The following CLEC16A variants were observed in gnomAD, a reference collection of about 807,000 sequenced individuals.
CLEC16A encodes the protein protein CLEC16A.
CLEC16A carries 51 observed loss-of-function variants against 109.5 expected under a neutral mutation model. That is an observed-to-expected ratio of 0.47 (90% CI 0.37 to 0.59). The LOEUF (loss-of-function observed/expected upper bound fraction) is 0.59. Among genes scored for constraint, CLEC16A ranks in the 20% least tolerant of loss-of-function variants. The pLI is 0.00. For synonymous variants in CLEC16A, 673 were observed against 564.2 expected, an observed-to-expected ratio of 1.19 and a Z score of -2.73; for missense variants, 1,339 against 1,394.0, an observed-to-expected ratio of 0.96 and a Z score of 0.63.
chr16:11,162,695 T>G (rs1267853479), intron 22 of CLEC16A, among the ~76,000 whole-genome samples: 2 of 152,222 alleles, frequency 1.3e-5, no homozygotes, highest in Non-Finnish European at 2.9e-5. Context: ...CTTAGTCTTC[T>G]CTTACCAGCG....
intron 1 of CLEC16A, among the ~76,000 whole-genome samples, chr16:10,950,735 C>T (rs1461338146): frequency 6.6e-6 from 1 of 152,218 alleles, no homozygotes; most frequent in African/African-American, 2.4e-5. Context: ...TGCCCGAGTG[C>T]TGAACAGGCC....
At chr16:11,062,252 G>A (rs1167987244) in intron 19 of CLEC16A, among the ~76,000 whole-genome samples, 1 of 152,156 alleles carries the variant, frequency 6.6e-6, no homozygotes, top group Non-Finnish European at 1.5e-5. Flanking sequence ...GGCAGAAACA[G>A]CACAGGGCCA....
intron 13 of CLEC16A, among the ~76,000 whole-genome samples, chr16:11,037,962 A>C (rs994786949): frequency 1.3e-5 from 2 of 152,286 alleles, no homozygotes; most frequent in Non-Finnish European, 1.5e-5. Context: ...CACATTTAGC[A>C]TTAACATGGG....
chr16:10,998,507 T>A (rs925137962), intron 10 of CLEC16A, among the ~76,000 whole-genome samples: 29 of 152,316 alleles, frequency 1.9e-4, no homozygotes, highest in Admixed American at 5.2e-4. Flanking sequence ...TTGTGTACTT[T>A]CTTTATGAGA....
intron 12 of CLEC16A, among the ~76,000 whole-genome samples, chr16:11,023,101 T>G (rs375445182): frequency 9.4e-5 from 14 of 149,382 alleles, no homozygotes; most frequent in Admixed American, 3.3e-4. Context: ...TTTACCAGTT[T>G]TTTTTTTTTT....
chr16:11,049,333 G>A (rs2047808516), intron 17 of CLEC16A, among the ~76,000 whole-genome samples: 2 of 151,990 alleles, frequency 1.3e-5, no homozygotes, highest in Admixed American at 6.5e-5. Context: ...CGTAAGGTGG[G>A]GGATCCCTAC....
At chr16:10,959,846 C>CA (rs2042174634) in intron 2 of CLEC16A, among the ~76,000 whole-genome samples, 1 of 151,848 alleles carries the variant, frequency 6.6e-6, no homozygotes, top group African/African-American at 2.4e-5. Context: ...CTCCTGAGCT[C>CA]AAACGATTCT....
chr16:10,998,402 A>G (rs2044457724), intron 10 of CLEC16A, among the ~76,000 whole-genome samples: 1 of 152,216 alleles, frequency 6.6e-6, no homozygotes, highest in Non-Finnish European at 1.5e-5. Flanking sequence ...GCCCAGCCTC[A>G]GGCACCTGGG....
chr16:11,070,357 A>G (rs1221627258), intron 19 of CLEC16A, among the ~76,000 whole-genome samples: 1 of 149,840 alleles, frequency 6.7e-6, no homozygotes, highest in Non-Finnish European at 1.5e-5. Context: ...GGCGTGAGCC[A>G]CTGCACCCGG....
At chr16:11,148,421 G>A (rs1395634830) in intron 22 of CLEC16A, among the ~76,000 whole-genome samples, 1 of 152,144 alleles carries the variant, frequency 6.6e-6, no homozygotes, top group East Asian at 1.9e-4. Context: ...TGACAATACA[G>A]GTACTGTTTA....
At chr16:11,025,651 T>G (rs2046365722) in intron 13 of CLEC16A, among the ~76,000 whole-genome samples, 1 of 152,152 alleles carries the variant, frequency 6.6e-6, no homozygotes, top group African/African-American at 2.4e-5. Context: ...TCAAGTGATA[T>G]TTTAGTAGGT....
At position 11,178,213 on chromosome 16, in the gene CLEC16A, CGCCA is replaced by C; in HGVS notation, c.2807-113_2807-110del. 2.4e-6 allele frequency: 2 copies of C among 824,544 alleles called. No homozygotes were observed. Among genetic ancestry groups the C allele is most frequent in the Non-Finnish European group, 3.9e-6 (2 of 512,846 alleles). 51.1% of individuals were successfully genotyped at this position (824,544 alleles called of 1,614,324 possible). ...TGAGTGGAGCCACGCTGAGCCCTCA[CGCCA>C]GCCAGCCACCTCCCACCTAGCTCAC... On this transcript the variant is annotated intron_variant, in intron 23 of 23. Transcript: ENST00000409790. The surrounding 1 kb of genome is among the most constrained non-coding windows in gnomAD (Gnocchi z 6.5).
chr16:11,119,124 C>T (rs780404059), intron 19 of CLEC16A, among the ~76,000 whole-genome samples: 77 of 152,296 alleles, frequency 5.1e-4, no homozygotes, highest in African/African-American at 1.7e-3. Context: ...CTCAGCCTCC[C>T]GAGTAGCTGG....
rs201374731 is a variant in CLEC16A, at chr16:10,977,372, C to T, written c.876C>T (p.Tyr292=). 46 of 1,613,668 alleles carry T rather than the reference C, an allele frequency of 2.9e-5. No homozygotes were observed. The highest frequency in any genetic ancestry group is 2.3e-4 in the South Asian group (21 of 91,040). Residue 292 remains tyrosine (Y), a synonymous_variant, in exon 8 of 24, where the codon TAC becomes TAT. Transcript: ENST00000409790. ...HLLNRLFLPL[Y]VYSLENQDKG... ...TCAACAGGCTCTTCCTGCCCCTCTA[C>T]GTGTACTCACTGGAGAACCAGGACA... is the stretch of plus-strand genomic sequence containing the variant.
At chr16:11,048,222 C>T (rs2047737949) in intron 17 of CLEC16A, 1 of 152,342 alleles carries the variant, frequency 6.6e-6, no homozygotes, top group East Asian at 1.9e-4. Flanking sequence ...TATTATGTCC[C>T]TGCCTCCCTG....
intron 4 of CLEC16A, 103 bp from the exon 5 acceptor site, chr16:10,971,022 T>G: frequency 3.3e-6 from 2 of 614,152 alleles, no homozygotes; most frequent in Non-Finnish European, 2.7e-6. Flanking sequence ...TTTTTTTTTT[T>G]TTTGTCTTTT....
At chr16:11,089,793 G>A (rs773925219) in intron 19 of CLEC16A, among the ~76,000 whole-genome samples, 1 of 152,192 alleles carries the variant, frequency 6.6e-6, no homozygotes, top group Non-Finnish European at 1.5e-5. Context: ...GAGGGGTGCT[G>A]GGCATGACTC....
intron 7 of CLEC16A, among the ~76,000 whole-genome samples, chr16:10,976,881 C>T (rs929708440): frequency 2.0e-5 from 3 of 152,224 alleles, no homozygotes; most frequent in Non-Finnish European, 4.4e-5. Flanking sequence ...ATTTTAATTA[C>T]AGTGGATTTA....
intron 10 of CLEC16A, among the ~76,000 whole-genome samples, chr16:10,989,369 T>C (rs969537451): frequency 1.3e-5 from 2 of 152,144 alleles, no homozygotes; most frequent in Non-Finnish European, 2.9e-5. Context: ...TAAAGGCACA[T>C]GCCACCATGC....
Sources: gnomAD v4.1 joint callset for allele counts (sites outside exome capture counted in the v4.1 genomes callset) on GRCh38, gnomAD v4.1.1 for gene constraint, Gnocchi (gnomAD v3.1) non-coding constraint, MANE v1.5 for transcripts, NCBI Gene and HGNC (gene_info 2026-07-23, HGNC 2026-07-21) for gene names.